Variants in CRPPA observed in about 807,000 individuals in gnomAD.
CRPPA encodes the protein CDP-L-ribitol pyrophosphorylase A.
A neutral mutation model predicts 52.0 loss-of-function variants in CRPPA; 43 were observed. The observed-to-expected ratio is 0.83, with a 90% confidence interval of 0.65 to 1.07. The LOEUF is 1.07. Among genes scored for constraint, CRPPA ranks in the 50% least tolerant of loss-of-function variants. The pLI, the probability that CRPPA is intolerant of heterozygous loss-of-function variation, is 0.00. For synonymous variants in CRPPA, 250 were observed against 203.5 expected (o/e 1.23, Z -1.94); for missense variants, 629 against 551.7 (o/e 1.14, Z -1.40).
intron 9 of CRPPA, among the ~76,000 whole-genome samples, chr7:16,120,643 TC>T (rs1782464020): frequency 6.6e-6 from 1 of 152,138 alleles, no homozygotes; most frequent in Non-Finnish European, 1.5e-5. Flanking sequence ...TCTCTACTTT[TC>T]CTTGCTGTAT....
At chr7:16,314,268 G>A (rs1785096280) in intron 3 of CRPPA, among the ~76,000 whole-genome samples, 1 of 151,910 alleles carries the variant, frequency 6.6e-6, no homozygotes, top group African/African-American at 2.4e-5. Context: ...TTTAGTAAAT[G>A]TCCTAGATTT....
intron 9 of CRPPA, among the ~76,000 whole-genome samples, chr7:16,181,246 T>A (rs1191831027): frequency 6.6e-6 from 1 of 151,906 alleles, no homozygotes; most frequent in Non-Finnish European, 1.5e-5. Flanking sequence ...AGAAAATGTA[T>A]TTAGGACTTT....
chr7:16,313,498 T>C (rs1171934876), intron 3 of CRPPA, among the ~76,000 whole-genome samples: 5 of 151,972 alleles, frequency 3.3e-5, no homozygotes, highest in African/African-American at 1.2e-4. Context: ...GATTTTGGTC[T>C]GGTAGATTTT....
chr7:16,374,118 G>T (rs910654959), intron 3 of CRPPA, among the ~76,000 whole-genome samples: 1 of 152,108 alleles, frequency 6.6e-6, no homozygotes, highest in Admixed American at 6.5e-5. Context: ...GTTGCCAGAG[G>T]GGAGTGACAT....
intron 9 of CRPPA, among the ~76,000 whole-genome samples, chr7:16,144,514 T>G (rs993524440): frequency 3.9e-5 from 6 of 152,218 alleles, no homozygotes; most frequent in Admixed American, 2.6e-4. Flanking sequence ...CAGGGAAGGA[T>G]GAGCTGAAGG....
At chr7:16,313,059 T>G (rs1785067348) in intron 3 of CRPPA, among the ~76,000 whole-genome samples, 1 of 151,966 alleles carries the variant, frequency 6.6e-6, no homozygotes, top group Non-Finnish European at 1.5e-5. Flanking sequence ...GTATGGTTTA[T>G]TGAATTAGGG....
At position 16,332,646 on chromosome 7, in the gene CRPPA, AG is replaced by A. The variant is rs538175489; in HGVS notation, c.685-24020del. Among the ~76,000 whole-genome samples the A allele has an allele frequency of 1.7e-4, 26 of 152,248 alleles. No individual in the cohort carries two copies. The East Asian group carries it at 4.4e-3, about 26-fold the overall frequency. On this transcript the variant is annotated intron_variant, in intron 3 of 9. Transcript: ENST00000407010. ...AAACTGAAAGAATGTAATGGGGGAA[AG>A]CTATTACTGAGAGAGAAAGAAGAAA...
intron 2 of CRPPA, among the ~76,000 whole-genome samples, chr7:16,389,073 A>G (rs1787370538): frequency 6.6e-6 from 1 of 152,226 alleles, no homozygotes; most frequent in South Asian, 2.1e-4. Context: ...TTGATAACAG[A>G]AAGTCTGAAT....
intron 6 of CRPPA, chr7:16,270,297 T>G (rs1784061850): frequency 6.6e-6 from 1 of 151,982 alleles, no homozygotes; most frequent in African/African-American, 2.4e-5. Flanking sequence ...TTAGGAAGAG[T>G]AATATTTCAA....
intron 9 of CRPPA, among the ~76,000 whole-genome samples, chr7:16,182,134 G>A (rs1781424373): frequency 6.6e-6 from 1 of 151,880 alleles, no homozygotes; most frequent in African/African-American, 2.4e-5. Flanking sequence ...TTTGCATCTG[G>A]CTGAAATACG....
intron 8 of CRPPA, among the ~76,000 whole-genome samples, chr7:16,246,174 T>C (rs1783267536): frequency 6.6e-6 from 1 of 152,204 alleles, no homozygotes; most frequent in Non-Finnish European, 1.5e-5. Context: ...TATATAATAT[T>C]GTAAATCCTT....
intron 9 of CRPPA, among the ~76,000 whole-genome samples, chr7:16,190,780 C>T (rs1003688314): frequency 2.0e-5 from 3 of 152,100 alleles, no homozygotes; most frequent in African/African-American, 7.2e-5. Context: ...CCACCCTTTC[C>T]CCCAAGTCCC....
intron 3 of CRPPA, among the ~76,000 whole-genome samples, chr7:16,342,844 GATATAC>G (rs1324015361): frequency 1.4e-5 from 2 of 143,334 alleles, no homozygotes; most frequent in Admixed American, 7.1e-5. Flanking sequence ...TAGATATATA[GATATAC>G]ATATATAGAT....
chr7:16,327,571 G>A lies in CRPPA; in HGVS notation c.685-18944C>T, dbSNP rs377712064. Among the ~76,000 whole-genome samples, 308 of 131,194 alleles carry A rather than the reference G, an allele frequency of 2.3e-3. 1 individual carries two copies. The highest frequency in any genetic ancestry group is 8.9e-3 in the African/African-American group (298 of 33,404). 86.1% of individuals were successfully genotyped at this position (131,194 alleles called of 152,430 possible). Reference sequence around the variant, plus strand: ...TTGCGCCACTGCAGTCCGCAGTCCGGCCTGGGCGACAGAGCGAGACTCCGT... The same window carrying A: ...TTGCGCCACTGCAGTCCGCAGTCCGACCTGGGCGACAGAGCGAGACTCCGT... On this transcript the variant is annotated intron_variant, in intron 3 of 9. Transcript: ENST00000407010.
intron 8 of CRPPA, among the ~76,000 whole-genome samples, chr7:16,235,074 C>T (rs1782909916): frequency 6.6e-6 from 1 of 151,806 alleles, no homozygotes; most frequent in Non-Finnish European, 1.5e-5. Context: ...GAGTTTTGTC[C>T]ATTAAGAGAT....
At chr7:16,311,798 G>C (rs1261203362) in intron 3 of CRPPA, among the ~76,000 whole-genome samples, 1 of 152,104 alleles carries the variant, frequency 6.6e-6, no homozygotes, top group Non-Finnish European at 1.5e-5. Flanking sequence ...GTGACAGGTT[G>C]AAAGTGTGTG....
chr7:16,283,881 A>T (rs548476348), intron 5 of CRPPA, among the ~76,000 whole-genome samples: 15 of 152,196 alleles, frequency 9.9e-5, no homozygotes, highest in African/African-American at 3.6e-4. Context: ...ATAACTACAG[A>T]TATAGGATAC....
intron 9 of CRPPA, among the ~76,000 whole-genome samples, chr7:16,105,186 G>C (rs1022445892): frequency 6.6e-6 from 1 of 152,160 alleles, no homozygotes; most frequent in Non-Finnish European, 1.5e-5. Flanking sequence ...TCCAGAGAAA[G>C]TTCAACTAGC....
chr7:16,329,961 A>C (rs6461236), intron 3 of CRPPA, among the ~76,000 whole-genome samples: 80,834 of 152,060 alleles, frequency 0.53, 21,723 homozygotes, highest in South Asian at 0.64. Flanking sequence ...AATCTTTCCT[A>C]AATTTATCTC....
Sources: gnomAD v4.1 joint callset for allele counts (sites outside exome capture counted in the v4.1 genomes callset) on GRCh38, gnomAD v4.1.1 for gene constraint, MANE v1.5 for transcripts, NCBI Gene and HGNC (gene_info 2026-07-23, HGNC 2026-07-21) for gene names.